Variants in CABIN1 observed in about 807,000 individuals in gnomAD.
CABIN1 encodes calcineurin-binding protein cabin-1.
A neutral mutation model predicts 227.7 loss-of-function variants in CABIN1; 133 were observed. The observed-to-expected ratio is 0.58, with a 90% CI of 0.51 to 0.67. The LOEUF (loss-of-function observed/expected upper bound fraction) is 0.67, where lower values mean the gene tolerates loss of function less well. Ranked by LOEUF, CABIN1 falls within the 30% of genes least tolerant of loss-of-function variation. The pLI is 0.00. For synonymous variants in CABIN1, 1,086 were observed against 1,155.1 expected (o/e 0.94, Z 1.21); for missense variants, 2,408 against 2,852.5 (o/e 0.84, Z 3.55).
chr22:24,021,637 T>C (rs2035735346), intron 1 of CABIN1, among the ~76,000 whole-genome samples: 1 of 152,176 alleles, frequency 6.6e-6, no homozygotes, highest in African/African-American at 2.4e-5. Context: ...TTGAAGCCTC[T>C]AATTTTTAGG....
At chr22:24,136,346 CCTTT>C (rs1293541870) in intron 29 of CABIN1, among the ~76,000 whole-genome samples, 1 of 144,560 alleles carries the variant, frequency 6.9e-6, no homozygotes, top group East Asian at 2.0e-4. Context: ...AGCCATCCCT[CCTTT>C]TTTTTTTTTT....
chr22:24,177,944 G>T lies in CABIN1; in HGVS notation c.6520-109G>T. 3 of 1,532,260 alleles carry T rather than the reference G, an allele frequency of 2.0e-6. No homozygotes were observed. Among genetic ancestry groups the T allele is most frequent in the Non-Finnish European group, 2.7e-6 (3 of 1,126,762 alleles). The allele number at this position is 1,532,260 out of a possible 1,614,324, so 94.9% of individuals were successfully genotyped here. ...GGTGAGGATGGCATAGGGGCCTGGG[G>T]CAGGGGTGAGGGTGGGAGGGGGGCC... On this transcript the variant is annotated intron_variant, in intron 36 of 36. Transcript: ENST00000263119. This position sits in a 1 kb window ranked among gnomAD's most constrained non-coding sequence, Gnocchi z 4.4.
At chr22:24,023,275 A>G (rs1239144095) in intron 1 of CABIN1, among the ~76,000 whole-genome samples, 1 of 152,172 alleles carries the variant, frequency 6.6e-6, no homozygotes, top group African/African-American at 2.4e-5. Flanking sequence ...TGTATACCAC[A>G]TTTTGTTTAT....
chr22:24,158,370 T>G (rs1315407209), intron 29 of CABIN1, among the ~76,000 whole-genome samples: 1 of 152,176 alleles, frequency 6.6e-6, no homozygotes, highest in African/African-American at 2.4e-5. Context: ...AAAAGCTTTG[T>G]GGAGAAGTAT....
At chr22:24,147,743 C>T (rs545986774) in intron 29 of CABIN1, among the ~76,000 whole-genome samples, 3 of 152,216 alleles carry the variant, frequency 2.0e-5, no homozygotes, top group African/African-American at 7.2e-5. Context: ...TGTGCCTGGC[C>T]CTAGCTGCAT....
intron 29 of CABIN1, among the ~76,000 whole-genome samples, chr22:24,159,601 G>A (rs1320289709): frequency 6.6e-6 from 1 of 152,176 alleles, no homozygotes; most frequent in African/African-American, 2.4e-5. Flanking sequence ...TCCCAAGTAT[G>A]GTTCCTCCCT....
intron 29 of CABIN1, among the ~76,000 whole-genome samples, chr22:24,145,072 G>A (rs1452993152): frequency 6.6e-6 from 1 of 152,220 alleles, no homozygotes; most frequent in African/African-American, 2.4e-5. Context: ...CACAGTGTGG[G>A]GCACAGACAG....
rs1434696932 is a variant in CABIN1, at chr22:24,171,848, A to C, written c.5893A>C (p.Lys1965Gln). 1 of 1,614,058 alleles carries C rather than the reference A, an allele frequency of 6.2e-7. No homozygotes were observed. The highest frequency in any genetic ancestry group is 8.5e-7 in the Non-Finnish European group (1 of 1,180,032). The change falls in exon 34 of 37, where the codon AAG becomes CAG. Residue 1965 changes from lysine (K) to glutamine (Q), a missense_variant. By Grantham distance (53) the Lys-to-Gln change is moderately conservative. Coordinates refer to ENST00000263119, the MANE Select transcript of CABIN1 (RefSeq NM_012295.4). Reference sequence around the variant, plus strand: ...CCAGCGGCCCAGTGATGCTCACACCAAGCCTCGCCCTGCACTAGCTGCCGC... The same window carrying C: ...CCAGCGGCCCAGTGATGCTCACACCCAGCCTCGCCCTGCACTAGCTGCCGC... ...SVQRPSDAHT[K>Q]PRPALAAATT... is the part of the protein sequence containing the mutation.
intron 29 of CABIN1, among the ~76,000 whole-genome samples, chr22:24,143,465 T>C (rs1305391312): frequency 1.3e-5 from 2 of 152,188 alleles, no homozygotes; most frequent in Admixed American, 1.3e-4. Context: ...CCCCTTTTGG[T>C]GTGGCTCCAA....
chr22:24,050,440 C>A (rs943716119), intron 7 of CABIN1, among the ~76,000 whole-genome samples: 1 of 152,192 alleles, frequency 6.6e-6, no homozygotes, highest in Non-Finnish European at 1.5e-5. Context: ...TGGTGAGCTT[C>A]ACTTTTCCGA....
intron 15 of CABIN1, among the ~76,000 whole-genome samples, chr22:24,065,340 G>A (rs2039558857): frequency 6.6e-6 from 1 of 151,890 alleles, no homozygotes. Flanking sequence ...GTCGCGGCCG[G>A]GCAGAGGCGC....
chr22:24,036,749 C>T (rs1601716302), intron 3 of CABIN1, among the ~76,000 whole-genome samples: 1 of 152,142 alleles, frequency 6.6e-6, no homozygotes, highest in Non-Finnish European at 1.5e-5. Flanking sequence ...CCTTTGTTTT[C>T]CCTGAAATAA....
chr22:24,098,330 G>T, intron 26 of CABIN1, 138 bp downstream of exon 26: 1 of 1,521,002 alleles, frequency 6.6e-7, no homozygotes. Flanking sequence ...TGTTGCGGCT[G>T]CTCATTAACC....
intron 11 of CABIN1, 115 bp downstream of exon 11, chr22:24,059,478 A>G (rs997548667): frequency 8.0e-7 from 1 of 1,253,520 alleles, no homozygotes; most frequent in Non-Finnish European, 1.1e-6. Flanking sequence ...AGTGTGGCCA[A>G]GAGTCTGCCT....
At chr22:24,158,651 G>A (rs1278954304) in intron 29 of CABIN1, among the ~76,000 whole-genome samples, 2 of 152,042 alleles carry the variant, frequency 1.3e-5, no homozygotes, top group Non-Finnish European at 2.9e-5. Context: ...CTGCTTGGCC[G>A]ACGCTTCTTC....
chr22:24,150,799 G>A (rs2063517401), intron 29 of CABIN1, among the ~76,000 whole-genome samples: 1 of 152,196 alleles, frequency 6.6e-6, no homozygotes, highest in Non-Finnish European at 1.5e-5. Context: ...TCTCCAGTGG[G>A]AGCATCTTGT....
intron 7 of CABIN1, among the ~76,000 whole-genome samples, chr22:24,050,595 C>G (rs2038249030): frequency 6.6e-6 from 1 of 151,966 alleles, no homozygotes. Context: ...CTTTCTCTGC[C>G]CAGTTTTGAA....
At chr22:24,144,215 GGTCACATCTAAGCTCTCTGTTCCAGCA>G (rs2044965416) in intron 29 of CABIN1, among the ~76,000 whole-genome samples, 1 of 152,210 alleles carries the variant, frequency 6.6e-6, no homozygotes, top group Non-Finnish European at 1.5e-5. Context: ...GAAATTCAGA[GGTCACATCTAAGCTCTCTGTTCCAGCA>G]GTGATGTCTG....
chr22:24,144,094 G>A (rs2044956792), intron 29 of CABIN1, among the ~76,000 whole-genome samples: 1 of 152,226 alleles, frequency 6.6e-6, no homozygotes, highest in African/African-American at 2.4e-5. Context: ...TTTGAACAAG[G>A]TGCAGAAGCC....
Sources: allele counts gnomAD v4.1 joint callset (sites outside exome capture counted in the v4.1 genomes callset), GRCh38; gene constraint gnomAD v4.1.1; non-coding constraint Gnocchi (gnomAD v3.1); transcripts MANE v1.5; gene names NCBI Gene and HGNC (gene_info 2026-07-23, HGNC 2026-07-21).